Variants in CATSPER1 observed in about 807,000 individuals in gnomAD.
CATSPER1 encodes the protein cation channel sperm associated 1.
In CATSPER1, 57 loss-of-function variants were observed where a neutral mutation model predicts 72.7. The observed-to-expected ratio is 0.78, with a 90% CI of 0.63 to 0.98. CATSPER1 has a LOEUF of 0.98. Among genes scored for constraint, CATSPER1 ranks in the 50% least tolerant of loss-of-function variants. The probability of loss-of-function intolerance (pLI) is 0.00; values close to 1 mark genes in which losing one functional copy is unlikely to be tolerated. For synonymous variants in CATSPER1, 363 were observed against 403.0 expected (o/e 0.90, Z 1.19); for missense variants, 910 against 1,033.9 (o/e 0.88, Z 1.64).
rs760778928 is a variant in CATSPER1 at position 66,020,173 on chromosome 11, G to A, written c.2092C>T (p.Leu698=). The change falls in exon 9 of 12, where the codon CTG becomes TTG. Residue 698 remains leucine, a synonymous_variant. Coordinates refer to ENST00000312106, the MANE Select transcript of CATSPER1 (RefSeq NM_053054.4). This position sits in a 1 kb window ranked among gnomAD's most constrained non-coding sequence, Gnocchi z 4.5. ...CTGAGCTCCGTCAGTGAGTCTTCCA[G>A]CAGCTTCTCTTGGATCCGGGCGGCC... is the stretch of plus-strand genomic sequence containing the variant. The part of the protein sequence containing the change: ...ERAARIQEKL[L]EDSLTELRAA... 2 of 1,613,548 alleles carry A rather than the reference G, an allele frequency of 1.2e-6. No individual in the cohort carries two copies. Among genetic ancestry groups the A allele is most frequent in the Non-Finnish European group, 1.7e-6 (2 of 1,180,040 alleles).
In CATSPER1 at chr11:66,020,432, A is replaced by C; in HGVS notation, c.1992-43T>G. The C allele has an allele frequency of 6.2e-7, 1 of 1,612,022 alleles. No individual in the cohort carries two copies. Among genetic ancestry groups the C allele is most frequent in the South Asian group, 1.1e-5 (1 of 91,028 alleles). The stretch of plus-strand genomic sequence containing the variant: ...GGTGTGCCCTCAGCGAGGAGGCCAG[A>C]GGAGAGGGGCACCCGGTACTTCTTG... On this transcript the variant is annotated intron_variant, in intron 7 of 11. Coordinates refer to ENST00000312106, the MANE Select transcript of CATSPER1 (RefSeq NM_053054.4). This position sits in a 1 kb window ranked among gnomAD's most constrained non-coding sequence, Gnocchi z 4.5.
In CATSPER1 at chr11:66,017,193, G is replaced by A. The variant is rs201854224; in HGVS notation, c.2202-19C>T. The A allele has an allele frequency of 2.7e-4, 131 of 493,910 alleles. No individual in the cohort carries two copies. The highest frequency in any genetic ancestry group is 1.1e-3 in the Admixed American group (44 of 40,494). 30.6% of individuals were successfully genotyped at this position (493,910 alleles called of 1,614,324 possible). ...CTGCTGCCTGCGGGTGGGCGGGGGG[G>A]TCGCAGAGACAGGGGCTGGGCTGAC... On this transcript the variant is annotated intron_variant, in intron 10 of 11. Coordinates refer to ENST00000312106, the MANE Select transcript of CATSPER1 (RefSeq NM_053054.4).
rs1469564028 is a variant in CATSPER1, at chr11:66,025,276, G to C, written c.1104C>G (p.Ser368Arg). Residue 368 changes from serine (S) to arginine (R), a missense_variant, in exon 1 of 12, where the codon AGC becomes AGG. Physicochemically the swap from Ser to Arg is moderately radical, Grantham distance 110. Transcript: ENST00000312106. ...GSAHSMTRSSSTIRSRVTQMS... is the reference protein window; with the variant it reads ...GSAHSMTRSSRTIRSRVTQMS... Reference sequence around the variant, plus strand: ...TCTGGGTGACACGTGAGCGGATTGTGCTGGAGGACCGAGTCATGCTGTGAG... The same window carrying C: ...TCTGGGTGACACGTGAGCGGATTGTCCTGGAGGACCGAGTCATGCTGTGAG... 6.2e-7 allele frequency: 1 copy of C among 1,614,206 alleles called. No homozygotes were observed. The highest frequency in any genetic ancestry group is 8.5e-7 in the Non-Finnish European group (1 of 1,180,028).
chr11:66,023,090 T>C (rs928144825), intron 1 of CATSPER1, 29 bp from the exon 2 acceptor site: 2 of 1,603,320 alleles, frequency 1.2e-6, no homozygotes, highest in Non-Finnish European at 1.7e-6. Context: ...GAAAGTCAAG[T>C]GTGTGCAAGA....
chr11:66,024,776 C>T (rs926404513), intron 1 of CATSPER1, among the ~76,000 whole-genome samples: 6 of 152,148 alleles, frequency 3.9e-5, no homozygotes, highest in African/African-American at 9.7e-5. Flanking sequence ...GGGCAGGCCC[C>T]GAGCACAGGA....
At chr11:66,017,674 T>C (rs1483189259) in intron 10 of CATSPER1, among the ~76,000 whole-genome samples, 3 of 149,530 alleles carry the variant, frequency 2.0e-5, no homozygotes, top group Admixed American at 6.7e-5. Flanking sequence ...ATTCACACCC[T>C]CCCCGCCATC....
intron 2 of CATSPER1, among the ~76,000 whole-genome samples, chr11:66,022,124 G>C: frequency 6.6e-6 from 1 of 152,196 alleles, no homozygotes; most frequent in East Asian, 1.9e-4. Flanking sequence ...CGCATCACTG[G>C]AGGTCAGGAG....
Position 66,026,102 on chromosome 11 carries a change from G to A in CATSPER1, c.278C>T (p.Pro93Leu), listed in dbSNP as rs749153549. Residue 93 changes from proline to leucine, a missense_variant, in exon 1 of 12, where the codon CCC (proline) becomes CTC (leucine). Physicochemically the swap from Pro to Leu is moderately conservative, Grantham distance 98. Coordinates refer to ENST00000312106, the MANE Select transcript of CATSPER1 (RefSeq NM_053054.4). ...EARNHGRAHG[P>L]TGFGLAPSQG... ...AGAGGGAGCCAGACCAAAGCCTGTG[G>A]GGCCATGGGCTCTGCCGTGATTCCG... 2.6e-5 allele frequency: 42 copies of A among 1,611,272 alleles called. No individual in the cohort carries two copies. In the East Asian group the frequency reaches 9.2e-4, roughly 35 times the overall value.
chr11:66,026,102 G>C lies in CATSPER1; in HGVS notation c.278C>G (p.Pro93Arg). Residue 93 changes from proline (P) to arginine (R), a missense_variant, in exon 1 of 12, where the codon CCC (proline) becomes CGC (arginine). Physicochemically the swap from Pro to Arg is moderately radical, Grantham distance 103 (BLOSUM62 -2). Transcript: ENST00000312106. Reference sequence around the variant, plus strand: ...AGAGGGAGCCAGACCAAAGCCTGTGGGGCCATGGGCTCTGCCGTGATTCCG... The same window carrying C: ...AGAGGGAGCCAGACCAAAGCCTGTGCGGCCATGGGCTCTGCCGTGATTCCG... ...EARNHGRAHG[P>R]TGFGLAPSQG... 6.2e-7 allele frequency: 1 copy of C among 1,611,272 alleles called. No homozygotes were observed. Among genetic ancestry groups the C allele is most frequent in the Non-Finnish European group, 8.5e-7 (1 of 1,177,858 alleles).
chr11:66,016,998 T>C (rs1856250971), intron 11 of CATSPER1, 62 bp downstream of exon 11: 8 of 1,611,192 alleles, frequency 5.0e-6, no homozygotes, highest in Non-Finnish European at 5.9e-6. Flanking sequence ...CTTGGAGCCA[T>C]TTCTGGCTAC....
intron 10 of CATSPER1, among the ~76,000 whole-genome samples, chr11:66,018,008 G>A (rs993375945): frequency 6.6e-6 from 1 of 152,090 alleles, no homozygotes; most frequent in African/African-American, 2.4e-5. Flanking sequence ...AGACCAGTCT[G>A]GCCAACATGG....
chr11:66,026,448 C>T lies in CATSPER1; in HGVS notation c.-69G>A, dbSNP rs892892151. 20 of 1,600,978 alleles carry T rather than the reference C, an allele frequency of 1.2e-5. No homozygotes were observed. The highest frequency in any genetic ancestry group is 1.7e-5 in the Non-Finnish European group (20 of 1,179,536). On this transcript the variant is annotated 5_prime_UTR_variant, in exon 1 of 12. Transcript: ENST00000312106. ...GCCCAACAGGCCCCGCCTGGATTTC[C>T]CTTCTTTCCTGAGCCAAGCTCAATG...
Position 66,023,004 on chromosome 11 carries a change from A to G in CATSPER1, c.1274T>C (p.Leu425Pro). The G allele has an allele frequency of 1.2e-6, 2 of 1,614,252 alleles. No individual in the cohort carries two copies. Among genetic ancestry groups the G allele is most frequent in the Non-Finnish European group, 1.7e-6 (2 of 1,180,052 alleles). The change falls in exon 2 of 12, where the codon CTG becomes CCG. Residue 425 changes from leucine to proline, a missense_variant. Transcript: ENST00000312106. ...AATGAGGAAGGTTAGCTTTTCCCAC[A>G]GCCACTGGAAGAGATTGGTAGAGTG... is the stretch of plus-strand genomic sequence containing the variant. ...KGHSTNLFQW[L>P]WEKLTFLIQG... is the part of the protein sequence containing the mutation.
In CATSPER1 at chr11:66,020,289, G is replaced by T; in HGVS notation, c.2064+28C>A. Reference sequence around the variant, plus strand: ...CCTCACTCCTCCAGCTTCCTGATCTGGTCCACCTGTCCCACCCCACTCGGT... The same window carrying T: ...CCTCACTCCTCCAGCTTCCTGATCTTGTCCACCTGTCCCACCCCACTCGGT... On this transcript the variant is annotated intron_variant, in intron 8 of 11. Transcript: ENST00000312106. This position sits in a 1 kb window ranked among gnomAD's most constrained non-coding sequence, Gnocchi z 4.5. The T allele has an allele frequency of 1.9e-6, 3 of 1,614,050 alleles. No individual in the cohort carries two copies. The highest frequency in any genetic ancestry group is 2.5e-6 in the Non-Finnish European group (3 of 1,179,920).
At position 66,022,962 on chromosome 11, in the gene CATSPER1, A is replaced by G; in HGVS notation, c.1316T>C (p.Met439Thr). 1 of 1,614,234 alleles carries G rather than the reference A, an allele frequency of 6.2e-7. No individual in the cohort carries two copies. Among genetic ancestry groups the G allele is most frequent in the African/African-American group, 1.3e-5 (1 of 75,044 alleles). ...CAAGGATTGGGTCAGGTTCCGGATC[A>G]TTTCCCGGAAGCCCTGAATGAGGAA... ...LTFLIQGFRE[M>T]IRNLTQSLAF... Residue 439 changes from methionine to threonine, a missense_variant, in exon 2 of 12, where the codon ATG becomes ACG. Met to Thr is a moderately conservative substitution (Grantham distance 81). Transcript: ENST00000312106.
At chr11:66,021,240 C>G (rs1856362016) in intron 4 of CATSPER1, 55 bp from the exon 5 acceptor site, 4 of 1,533,628 alleles carry the variant, frequency 2.6e-6, no homozygotes, top group Non-Finnish European at 3.6e-6. Flanking sequence ...GGGTGTGTGT[C>G]TCTGCCCAGC....
chr11:66,019,459 T>C (rs1856308799), intron 9 of CATSPER1, among the ~76,000 whole-genome samples: 2 of 151,940 alleles, frequency 1.3e-5, no homozygotes, highest in Admixed American at 6.6e-5. Flanking sequence ...GTATTTTTAG[T>C]AGAGACAGGG....
rs940902640 is a variant in CATSPER1 at position 66,020,737 on chromosome 11, G to A, written c.1927+74C>T. ...CAGGCATCAGAAGCCCCACTTTGCCGATGGGGTCACTGAGCCCTGGCCGGT... is the reference window on the plus strand; with the variant it reads ...CAGGCATCAGAAGCCCCACTTTGCCAATGGGGTCACTGAGCCCTGGCCGGT... On this transcript the variant is annotated intron_variant, in intron 6 of 11. Transcript: ENST00000312106. This position sits in a 1 kb window ranked among gnomAD's most constrained non-coding sequence, Gnocchi z 4.5. 8 of 1,605,698 alleles carry A rather than the reference G, an allele frequency of 5.0e-6. No individual in the cohort carries two copies. Among genetic ancestry groups the A allele is most frequent in the Admixed American group, 1.7e-5 (1 of 59,620 alleles).
intron 10 of CATSPER1, 91 bp downstream of exon 10, chr11:66,018,736 G>A (rs1856290213): frequency 1.5e-6 from 2 of 1,364,256 alleles, no homozygotes; most frequent in Admixed American, 1.7e-5. Flanking sequence ...TTCTAGAGGG[G>A]CAGGCAATGT....
Sources: allele counts gnomAD v4.1 joint callset (sites outside exome capture counted in the v4.1 genomes callset), GRCh38; gene constraint gnomAD v4.1.1; non-coding constraint Gnocchi (gnomAD v3.1); transcripts MANE v1.5; gene names NCBI Gene and HGNC (gene_info 2026-07-23, HGNC 2026-07-21).